FSTL5: variants seen among roughly 807,000 people sequenced by gnomAD.
FSTL5 encodes the protein follistatin-related protein 5.
A neutral mutation model predicts 89.1 loss-of-function variants in FSTL5; 62 were observed. The observed-to-expected ratio is 0.70, with a 90% confidence interval of 0.57 to 0.86. The LOEUF is 0.86. Ranked by LOEUF, FSTL5 falls within the 40% of genes least tolerant of loss-of-function variation. The pLI is 0.00. For missense variants in FSTL5, 1,057 were observed against 1,001.6 expected, an observed-to-expected ratio of 1.06 and a Z score of -0.75; for synonymous variants, 383 against 346.2, an observed-to-expected ratio of 1.11 and a Z score of -1.18.
At chr4:161,982,603 A>G (rs1048027469) in intron 3 of FSTL5, among the ~76,000 whole-genome samples, 7 of 152,248 alleles carry the variant, frequency 4.6e-5, no homozygotes, top group African/African-American at 1.7e-4. Flanking sequence ...GATCTAATAC[A>G]TATAAAAGAA....
chr4:162,091,046 C>T (rs147179407), intron 2 of FSTL5, among the ~76,000 whole-genome samples: 35 of 152,192 alleles, frequency 2.3e-4, no homozygotes, highest in African/African-American at 5.8e-4. Flanking sequence ...TAATCACTGA[C>T]GATATTGAAG....
At chr4:162,102,913 A>T (rs1400898266) in intron 2 of FSTL5, among the ~76,000 whole-genome samples, 1 of 151,566 alleles carries the variant, frequency 6.6e-6, no homozygotes, top group African/African-American at 2.4e-5. Context: ...ACACTTTTTT[A>T]GCATTTCAAA....
intron 4 of FSTL5, among the ~76,000 whole-genome samples, chr4:161,779,811 G>GTATA (rs1203119725): frequency 4.2e-4 from 17 of 40,444 alleles, no homozygotes; most frequent in African/African-American, 1.2e-3. Context: ...ATATATATAT[G>GTATA]TATATATATA....
At chr4:161,852,415 C>T (rs903853243) in intron 4 of FSTL5, among the ~76,000 whole-genome samples, 1 of 151,800 alleles carries the variant, frequency 6.6e-6, no homozygotes, top group Non-Finnish European at 1.5e-5. Flanking sequence ...ATTGAGATAC[C>T]ATCTCACACC....
intron 8 of FSTL5, among the ~76,000 whole-genome samples, chr4:161,563,914 G>T (rs1304945336): frequency 1.3e-5 from 2 of 151,650 alleles, no homozygotes; most frequent in Non-Finnish European, 2.9e-5. Context: ...AAAATGAAAA[G>T]AAAAAACAAC....
intron 2 of FSTL5, among the ~76,000 whole-genome samples, chr4:162,038,402 A>G (rs1486054889): frequency 1.3e-5 from 2 of 151,916 alleles, no homozygotes; most frequent in African/African-American, 4.8e-5. Context: ...GTACGGTTTT[A>G]TAATAAATAC....
At chr4:161,900,638 C>CAAAAAAAAAAAAAAAA (rs58702301) in intron 4 of FSTL5, among the ~76,000 whole-genome samples, 1 of 65,316 alleles carries the variant, frequency 1.5e-5, no homozygotes. Context: ...GACTCCATCT[C>CAAAAAAAAAAAAAAAA]AAAAAAAAAA....
At chr4:161,611,456 T>C (rs1017463076) in intron 7 of FSTL5, among the ~76,000 whole-genome samples, 1 of 151,956 alleles carries the variant, frequency 6.6e-6, no homozygotes, top group African/African-American at 2.4e-5. Flanking sequence ...TAGTAAAGCC[T>C]TATCACTAAA....
intron 3 of FSTL5, among the ~76,000 whole-genome samples, chr4:162,002,332 A>G (rs1736488354): frequency 6.6e-6 from 1 of 152,160 alleles, no homozygotes; most frequent in Admixed American, 6.6e-5. Flanking sequence ...ACTTCCATGT[A>G]TATTTCAGGT....
At chr4:161,692,872 C>T (rs149968903) in intron 6 of FSTL5, among the ~76,000 whole-genome samples, 3,700 of 152,044 alleles carry the variant, frequency 0.024, 146 homozygotes, top group African/African-American at 0.083. Flanking sequence ...TACAGGCACA[C>T]GCCACCACAC....
intron 15 of FSTL5, among the ~76,000 whole-genome samples, chr4:161,397,508 T>C (rs1479024885): frequency 6.6e-6 from 1 of 151,546 alleles, no homozygotes; most frequent in Admixed American, 6.6e-5. Context: ...TAATTTAATA[T>C]TAAACACATG....
chr4:161,683,693 T>C (rs1737603831), intron 6 of FSTL5, among the ~76,000 whole-genome samples: 1 of 152,208 alleles, frequency 6.6e-6, no homozygotes, highest in African/African-American at 2.4e-5. Flanking sequence ...ATGCATATAA[T>C]ATAAAACTTA....
At chr4:161,594,263 A>C (rs994388894) in intron 7 of FSTL5, among the ~76,000 whole-genome samples, 4 of 152,130 alleles carry the variant, frequency 2.6e-5, no homozygotes, top group African/African-American at 9.7e-5. Flanking sequence ...CAATAGTGAA[A>C]ATTCTGAATA....
At position 161,510,439 on chromosome 4, in the gene FSTL5, A is replaced by C. The variant is rs1442430255; in HGVS notation, c.1313-15T>G. The stretch of plus-strand genomic sequence containing the variant: ...TATGTTAGCTACTGCAGCATGTTGA[A>C]AGAAAAAGAAGAAAAAGAAAAATGA... On this transcript the variant is annotated splice_polypyrimidine_tract_variant and intron_variant, in intron 10 of 15. Coordinates refer to ENST00000306100, the MANE Select transcript of FSTL5 (RefSeq NM_020116.5). 3.5e-6 allele frequency: 5 copies of C among 1,446,170 alleles called. No homozygotes were observed. The Admixed American group carries it at 1.2e-4, about 35-fold the overall frequency. 89.6% of individuals were successfully genotyped at this position (1,446,170 alleles called of 1,614,324 possible).
At chr4:161,545,553 C>G (rs1731975266) in intron 8 of FSTL5, among the ~76,000 whole-genome samples, 1 of 151,908 alleles carries the variant, frequency 6.6e-6, no homozygotes, top group Non-Finnish European at 1.5e-5. Context: ...TTTTGGTTTA[C>G]AAATACATGC....
intron 4 of FSTL5, among the ~76,000 whole-genome samples, chr4:161,916,976 C>A (rs1171452701): frequency 6.6e-6 from 1 of 152,134 alleles, no homozygotes; most frequent in African/African-American, 2.4e-5. Context: ...GAGACAGAGT[C>A]TTGCTCTGCC....
intron 5 of FSTL5, among the ~76,000 whole-genome samples, chr4:161,768,674 T>G (rs1257675132): frequency 6.6e-6 from 1 of 151,960 alleles, no homozygotes; most frequent in Non-Finnish European, 1.5e-5. Flanking sequence ...AATGGATGTT[T>G]TTTTCAGAGC....
At chr4:162,116,238 T>G (rs1278341774) in intron 1 of FSTL5, among the ~76,000 whole-genome samples, 1 of 152,202 alleles carries the variant, frequency 6.6e-6, no homozygotes, top group African/African-American at 2.4e-5. Flanking sequence ...AGGGTGAGGC[T>G]GCAGCTAGTG....
chr4:161,542,452 A>G (rs568377120), intron 9 of FSTL5, 80 bp downstream of exon 9: 555 of 986,178 alleles, frequency 5.6e-4, no homozygotes, highest in Non-Finnish European at 7.3e-4. Flanking sequence ...TTTTTCTTTT[A>G]TTTTCCAAAG....
Sources: allele counts gnomAD v4.1 joint callset (sites outside exome capture counted in the v4.1 genomes callset), GRCh38; gene constraint gnomAD v4.1.1; transcripts MANE v1.5; gene names NCBI Gene and HGNC (gene_info 2026-07-23, HGNC 2026-07-21).